SVEP1: variants seen among roughly 807,000 people sequenced by gnomAD.
The protein encoded by SVEP1 is sushi, von Willebrand factor type A, EGF and pentraxin domain containing 1.
Under a neutral mutation model 367.3 loss-of-function variants are expected in SVEP1, and 164 were observed. The ratio of observed to expected loss-of-function variants is 0.45; its 90% CI spans 0.39 to 0.51. The LOEUF (loss-of-function observed/expected upper bound fraction) is 0.51, where lower values mean the gene tolerates loss of function less well. Among genes scored for constraint, SVEP1 ranks in the 20% least tolerant of loss-of-function variants. SVEP1 has a pLI of 0.00. For synonymous variants in SVEP1, 1,666 were observed against 1,611.6 expected, an observed-to-expected ratio of 1.03 and a Z score of -0.81; for missense variants, 4,117 against 4,425.3, an observed-to-expected ratio of 0.93 and a Z score of 1.98.
chr9:110,454,037 C>A (rs1285534309), intron 22 of SVEP1, among the ~76,000 whole-genome samples: 11 of 151,866 alleles, frequency 7.2e-5, no homozygotes. Context: ...ATGTCCTTTG[C>A]CCACTATTTA....
Position 110,408,048 on chromosome 9 carries a change from G to C in SVEP1, c.7552C>G (p.Gln2518Glu). Residue 2518 changes from glutamine to glutamate, a missense_variant, in exon 38 of 48, where the codon CAG becomes GAG. By Grantham distance (29) the Gln-to-Glu change is conservative. Around this residue, in one of 4 missense-constraint regions of SVEP1, gnomAD observed 1,765 missense variants for 1,781.1 expected, o/e 0.99. Transcript: ENST00000374469. ...KFSYTDLHYGQTVTYSCNRGF... is the reference protein window; with the variant it reads ...KFSYTDLHYGETVTYSCNRGF... ...CGGTTGCAAGAGTAGGTAACGGTCT[G>C]TCCATAGTGTAGGTCCGTGTAAGAG... is the stretch of plus-strand genomic sequence containing the variant. 6.2e-7 allele frequency: 1 copy of C among 1,613,968 alleles called. No homozygotes were observed. The highest frequency in any genetic ancestry group is 8.5e-7 in the Non-Finnish European group (1 of 1,179,884).
intron 26 of SVEP1, among the ~76,000 whole-genome samples, chr9:110,444,341 A>G (rs1220353121): frequency 6.6e-6 from 1 of 150,588 alleles, no homozygotes; most frequent in Non-Finnish European, 1.5e-5. Context: ...AGAAGGTGCC[A>G]TCGTGGACAG....
At chr9:110,489,830 T>C in intron 8 of SVEP1, 51 bp from the exon 9 acceptor site, 1 of 1,562,778 alleles carries the variant, frequency 6.4e-7, no homozygotes, top group Non-Finnish European at 8.7e-7. Context: ...AGTGCGTTTA[T>C]TCTTTTCTGA....
chr9:110,387,596 T>C lies in SVEP1; in HGVS notation c.9887-138A>G, dbSNP rs934784122. On this transcript the variant is annotated intron_variant, in intron 41 of 47. Transcript: ENST00000374469. Reference sequence around the variant, plus strand: ...CATGTGTGAAGCACAGTGATATTCATTGAAGGAGAAAAATATAGCATACCT... The same window carrying C: ...CATGTGTGAAGCACAGTGATATTCACTGAAGGAGAAAAATATAGCATACCT... 19 of 955,294 alleles carry C rather than the reference T, an allele frequency of 2.0e-5. No homozygotes were observed. In the South Asian group the frequency reaches 2.6e-4, roughly 13 times the overall value. 59.2% of individuals were successfully genotyped at this position (955,294 alleles called of 1,614,324 possible).
chr9:110,504,409 C>T (rs1829591684), intron 5 of SVEP1, among the ~76,000 whole-genome samples: 1 of 152,134 alleles, frequency 6.6e-6, no homozygotes, highest in Non-Finnish European at 1.5e-5. Context: ...GTACTTCTTT[C>T]CCTTCCCTGC....
chr9:110,398,318 T>C lies in SVEP1; in HGVS notation c.9822+2536A>G, dbSNP rs558049630. 1.4e-4 allele frequency among the ~76,000 whole-genome samples: 21 copies of C among 152,302 alleles called. No individual in the cohort carries two copies. The East Asian group carries it at 3.5e-3, about 25-fold the overall frequency. ...AGAAAGCTGAAACTGGATCCCTTCC[T>C]TACACCTTACACAAAAAATTAATTC... On this transcript the variant is annotated intron_variant, in intron 40 of 47. Coordinates refer to ENST00000374469, the MANE Select transcript of SVEP1 (RefSeq NM_153366.4).
chr9:110,376,164 A>G (rs1357498672), intron 45 of SVEP1, among the ~76,000 whole-genome samples: 1 of 152,210 alleles, frequency 6.6e-6, no homozygotes, highest in Non-Finnish European at 1.5e-5. Flanking sequence ...AGCAATGCAG[A>G]TATCAGGTAC....
chr9:110,431,199 CTAATAT>C (rs1482565926), intron 32 of SVEP1, among the ~76,000 whole-genome samples: 11 of 151,964 alleles, frequency 7.2e-5, no homozygotes, highest in Non-Finnish European at 1.3e-4. Context: ...TGAATATCAC[CTAATAT>C]TAACATACAG....
At chr9:110,520,363 G>T (rs192143183) in intron 3 of SVEP1, among the ~76,000 whole-genome samples, 25 of 152,230 alleles carry the variant, frequency 1.6e-4, no homozygotes, top group Admixed American at 1.4e-3. Context: ...TCCGTAAAGG[G>T]CTATGAATTG....
intron 5 of SVEP1, among the ~76,000 whole-genome samples, chr9:110,503,844 T>C (rs1829579409): frequency 6.6e-6 from 1 of 152,110 alleles, no homozygotes; most frequent in South Asian, 2.1e-4. Context: ...CATCAGTTTA[T>C]TTTTGCTGCT....
intron 5 of SVEP1, among the ~76,000 whole-genome samples, chr9:110,510,652 G>T (rs1044649832): frequency 6.6e-6 from 1 of 152,186 alleles, no homozygotes; most frequent in Admixed American, 6.5e-5. Context: ...TATGGAGGGT[G>T]CAGGCTTGAG....
intron 39 of SVEP1, among the ~76,000 whole-genome samples, chr9:110,401,275 A>G (rs1827856502): frequency 6.6e-6 from 1 of 152,196 alleles, no homozygotes; most frequent in South Asian, 2.1e-4. Flanking sequence ...GAATCTATTC[A>G]AAAATCACGA....
intron 13 of SVEP1, 140 bp from the exon 14 acceptor site, chr9:110,476,455 G>T: frequency 1.6e-6 from 1 of 644,372 alleles, no homozygotes; most frequent in Non-Finnish European, 2.7e-6. Context: ...TCCTCAAAGG[G>T]ATTCTGACCC....
Position 110,443,679 on chromosome 9 carries a change from C to G in SVEP1, c.4505G>C (p.Cys1502Ser), listed in dbSNP as rs1828548441. The stretch of plus-strand genomic sequence containing the variant: ...CCATCTGCCATCATTCACCGAGGGA[C>G]AGTTTGTTATCTTTTCCCTGCCATT... ...YVNGREKITNCPSVNDGRWHH... is the reference protein window; with the variant it reads ...YVNGREKITNSPSVNDGRWHH... Residue 1502 changes from cysteine (C) to serine (S), a missense_variant, in exon 27 of 48, where the codon TGT becomes TCT. By Grantham distance (112) the Cys-to-Ser change is moderately radical. Around this residue, in one of 4 missense-constraint regions of SVEP1, gnomAD observed 2,174 missense variants for 2,494.3 expected, o/e 0.87. Coordinates refer to ENST00000374469, the MANE Select transcript of SVEP1 (RefSeq NM_153366.4). The G allele has an allele frequency of 6.2e-7, 1 of 1,610,420 alleles. No individual in the cohort carries two copies. The highest frequency in any genetic ancestry group is 8.5e-7 in the Non-Finnish European group (1 of 1,178,414).
intron 5 of SVEP1, among the ~76,000 whole-genome samples, chr9:110,506,752 G>T (rs1010672149): frequency 3.9e-5 from 6 of 152,104 alleles, no homozygotes; most frequent in Admixed American, 3.9e-4. Flanking sequence ...GCAGGGGAAG[G>T]AGGGAGGAGC....
intron 21 of SVEP1, among the ~76,000 whole-genome samples, chr9:110,456,059 G>A (rs1021243018): frequency 6.6e-5 from 10 of 152,124 alleles, no homozygotes; most frequent in African/African-American, 1.9e-4. Flanking sequence ...TAGGGGTGGA[G>A]GTGGGGCTAA....
Position 110,379,420 on chromosome 9 carries a change from T to G in SVEP1, c.10335A>C (p.Gly3445=), listed in dbSNP as rs1419666924. ...GDMITYSCYS[G]YMLEGFLRSV... ...TCCTCAGGAAACCCTCCAACATGTA[T>G]CCACTGTAACATGAGTAGGTGATCA... The change falls in exon 44 of 48, where the codon GGA becomes GGC. Residue 3445 remains glycine, a synonymous_variant. Transcript: ENST00000374469. 4 of 1,613,680 alleles carry G rather than the reference T, an allele frequency of 2.5e-6. No homozygotes were observed. Among genetic ancestry groups the G allele is most frequent in the Non-Finnish European group, 3.4e-6 (4 of 1,179,796 alleles).
chr9:110,485,367 G>A (rs1829260342), intron 9 of SVEP1, among the ~76,000 whole-genome samples: 1 of 152,190 alleles, frequency 6.6e-6, no homozygotes, highest in South Asian at 2.1e-4. Context: ...TCACTTATAA[G>A]TGGGAGTTGA....
chr9:110,487,062 T>C (rs993206067), intron 9 of SVEP1, among the ~76,000 whole-genome samples: 3 of 152,206 alleles, frequency 2.0e-5, no homozygotes, highest in African/African-American at 7.2e-5. Flanking sequence ...GTTTAAGCAA[T>C]TCTCCTGCCT....
Sources: allele counts gnomAD v4.1 joint callset (sites outside exome capture counted in the v4.1 genomes callset), GRCh38; gene constraint gnomAD v4.1.1; regional missense constraint gnomAD v4.1.1; transcripts MANE v1.5; gene names NCBI Gene and HGNC (gene_info 2026-07-23, HGNC 2026-07-21).